AMBRA1: variants seen among roughly 807,000 people sequenced by gnomAD.
AMBRA1 encodes activating molecule in BECN1-regulated autophagy protein 1.
Under a neutral mutation model 125.4 loss-of-function variants are expected in AMBRA1, and 47 were observed. The observed-to-expected ratio is 0.37, with a 90% CI of 0.30 to 0.48. The LOEUF (loss-of-function observed/expected upper bound fraction) is 0.48, where lower values mean the gene tolerates loss of function less well. AMBRA1 is among the 20% of genes least tolerant of loss of function. The pLI is 0.99. For missense variants in AMBRA1, 1,331 were observed against 1,693.4 expected, an observed-to-expected ratio of 0.79 and a Z score of 3.76; for synonymous variants, 626 against 655.5, an observed-to-expected ratio of 0.95 and a Z score of 0.69.
At chr11:46,465,847 ACTGTCCATG>A (rs1487891570) in intron 11 of AMBRA1, among the ~76,000 whole-genome samples, 1 of 152,202 alleles carries the variant, frequency 6.6e-6, no homozygotes, top group Non-Finnish European at 1.5e-5. Context: ...AAATTGTGCA[ACTGTCCATG>A]CTATATTCTA....
At chr11:46,428,589 CTTCTT>C (rs1947274995) in intron 14 of AMBRA1, 2 of 956,906 alleles carry the variant, frequency 2.1e-6, no homozygotes, top group South Asian at 2.9e-5. Context: ...TCTTCTTCTT[CTTCTT>C]TTTTTTTTAA....
chr11:46,431,070 G>A (rs952173721), intron 14 of AMBRA1, among the ~76,000 whole-genome samples: 4 of 151,978 alleles, frequency 2.6e-5, no homozygotes, highest in African/African-American at 9.7e-5. Context: ...GCCTTTGGAC[G>A]TAAGGGGCAA....
chr11:46,405,981 C>T (rs1028947665), intron 17 of AMBRA1, among the ~76,000 whole-genome samples: 1 of 151,958 alleles, frequency 6.6e-6, no homozygotes, highest in African/African-American at 2.4e-5. Context: ...GATCCTCCTG[C>T]CTTGGCCTCC....
intron 1 of AMBRA1, among the ~76,000 whole-genome samples, chr11:46,557,068 G>A (rs2043176929): frequency 6.6e-6 from 1 of 150,442 alleles, no homozygotes; most frequent in Non-Finnish European, 1.5e-5. Context: ...CCCGGGAGGT[G>A]GAAGTTGTGG....
At chr11:46,546,599 T>A in intron 4 of AMBRA1, among the ~76,000 whole-genome samples, 1 of 148,494 alleles carries the variant, frequency 6.7e-6, no homozygotes, top group Non-Finnish European at 1.5e-5. Flanking sequence ...TGGAAGACAA[T>A]CTCAGGGCAT....
chr11:46,418,293 AAATATATAAT>A (rs1211475366), intron 14 of AMBRA1, among the ~76,000 whole-genome samples: 3 of 140,286 alleles, frequency 2.1e-5, no homozygotes, highest in South Asian at 2.1e-4. Flanking sequence ...ATTTATATAT[AAATATATAAT>A]ATATATTTTA....
At chr11:46,581,294 G>A (rs1450852228) in intron 1 of AMBRA1, among the ~76,000 whole-genome samples, 2 of 151,746 alleles carry the variant, frequency 1.3e-5, no homozygotes, top group Non-Finnish European at 2.9e-5. Context: ...CCAACATGGT[G>A]AAACCCTGTC....
In AMBRA1 at chr11:46,536,289, G is replaced by A. The variant is rs192039109; in HGVS notation, c.2072+5656C>T. On this transcript the variant is annotated intron_variant, in intron 7 of 17. Transcript: ENST00000683756. ...CACTGCCTTCAGGGAGCTCACTGACGGAAAGGTAAACAAATAATTTTCTGT... is the reference window on the plus strand; with the variant it reads ...CACTGCCTTCAGGGAGCTCACTGACAGAAAGGTAAACAAATAATTTTCTGT... Among the ~76,000 whole-genome samples the A allele has an allele frequency of 5.4e-3, 822 of 152,216 alleles. 7 individuals are homozygous for A. The highest frequency in any genetic ancestry group is 7.0e-3 in the Non-Finnish European group (479 of 68,012).
At chr11:46,430,424 CCT>C (rs1172628518) in intron 14 of AMBRA1, among the ~76,000 whole-genome samples, 10 of 152,278 alleles carry the variant, frequency 6.6e-5, no homozygotes, top group South Asian at 2.1e-4. Context: ...ATCCTGGGTC[CCT>C]CTGACTCCCA....
chr11:46,500,701 C>T (rs187636259), intron 9 of AMBRA1, among the ~76,000 whole-genome samples: 102 of 152,234 alleles, frequency 6.7e-4, no homozygotes, highest in African/African-American at 2.1e-3. Context: ...CCTGTCTCTA[C>T]GCTTTTGCTT....
At chr11:46,534,184 G>A (rs1253730923) in intron 7 of AMBRA1, among the ~76,000 whole-genome samples, 1 of 149,346 alleles carries the variant, frequency 6.7e-6, no homozygotes, top group Non-Finnish European at 1.5e-5. Context: ...GAGAATTATT[G>A]CTGGCATTTA....
intron 11 of AMBRA1, among the ~76,000 whole-genome samples, chr11:46,461,081 A>T (rs1465359176): frequency 6.6e-6 from 1 of 152,172 alleles, no homozygotes; most frequent in African/African-American, 2.4e-5. Flanking sequence ...TATTGCTACA[A>T]AAAATTAAAA....
intron 7 of AMBRA1, among the ~76,000 whole-genome samples, chr11:46,523,494 T>C (rs949748908): frequency 6.6e-6 from 1 of 152,196 alleles, no homozygotes; most frequent in Non-Finnish European, 1.5e-5. Context: ...AATACTACCC[T>C]GAGGAGGATT....
intron 1 of AMBRA1, among the ~76,000 whole-genome samples, chr11:46,592,482 C>A (rs898572748): frequency 7.2e-5 from 11 of 152,036 alleles, no homozygotes; most frequent in African/African-American, 1.2e-4. Context: ...CAAAACTGGG[C>A]GGGCGCGGTG....
intron 7 of AMBRA1, among the ~76,000 whole-genome samples, chr11:46,524,154 C>A (rs1199616258): frequency 6.6e-6 from 1 of 152,224 alleles, no homozygotes; most frequent in Non-Finnish European, 1.5e-5. Context: ...AGGTGTGAGC[C>A]ACCGCACCCG....
intron 1 of AMBRA1, among the ~76,000 whole-genome samples, chr11:46,575,131 T>C (rs1334821981): frequency 6.6e-6 from 1 of 152,128 alleles, no homozygotes; most frequent in African/African-American, 2.4e-5. Flanking sequence ...TATCAGTAAC[T>C]CCCTCTTAGT....
At chr11:46,405,553 T>A (rs1267055536) in intron 17 of AMBRA1, among the ~76,000 whole-genome samples, 1 of 150,384 alleles carries the variant, frequency 6.6e-6, no homozygotes, top group Non-Finnish European at 1.5e-5. Context: ...ACCCTATCTC[T>A]AAAAAAAAAT....
At chr11:46,553,073 G>C (rs1268211095) in intron 1 of AMBRA1, among the ~76,000 whole-genome samples, 2 of 151,776 alleles carry the variant, frequency 1.3e-5, no homozygotes, top group African/African-American at 4.8e-5. Flanking sequence ...CTCCCGAGTA[G>C]CTGGGACTAC....
At chr11:46,535,557 G>T (rs1004454657) in intron 7 of AMBRA1, among the ~76,000 whole-genome samples, 2 of 152,116 alleles carry the variant, frequency 1.3e-5, no homozygotes, top group African/African-American at 4.8e-5. Flanking sequence ...ATTTAAATTG[G>T]ATTATCCACA....
Sources: gnomAD v4.1 joint callset for allele counts (sites outside exome capture counted in the v4.1 genomes callset) on GRCh38, gnomAD v4.1.1 for gene constraint, MANE v1.5 for transcripts, NCBI Gene and HGNC (gene_info 2026-07-23, HGNC 2026-07-21) for gene names.